Variants in IL15 observed in about 807,000 individuals in gnomAD.
IL15 encodes the protein interleukin 15, also known as interleukin-15.
IL15 carries 11 observed loss-of-function variants against 19.6 expected under a neutral mutation model. The observed-to-expected ratio is 0.56, with a 90% CI of 0.35 to 0.93. The LOEUF is 0.93. Among genes scored for constraint, IL15 ranks in the 40% least tolerant of loss-of-function variants. IL15 has a pLI of 0.01. For missense variants in IL15, 197 were observed against 186.5 expected, an observed-to-expected ratio of 1.06 and a Z score of -0.33; for synonymous variants, 58 against 59.6, an observed-to-expected ratio of 0.97 and a Z score of 0.12.
chr4:141,720,877 G>T, intron 4 of IL15: 1 of 531,040 alleles, frequency 1.9e-6, no homozygotes, highest in Middle Eastern at 4.9e-4. Context: ...GCAATTAAAA[G>T]TAGATATTTA....
intron 1 of IL15, among the ~76,000 whole-genome samples, chr4:141,643,085 AG>A (rs1458150973): frequency 6.6e-6 from 1 of 152,208 alleles, no homozygotes; most frequent in African/African-American, 2.4e-5. Flanking sequence ...AATTTATTGA[AG>A]AAAAGACAAT....
intron 2 of IL15, chr4:141,718,153 T>C (rs1396534809): frequency 6.6e-6 from 1 of 152,206 alleles, no homozygotes; most frequent in Non-Finnish European, 1.5e-5. Context: ...CATTGTGACA[T>C]TGTAAAGCCT....
At chr4:141,708,609 C>T (rs868413444) in intron 2 of IL15, among the ~76,000 whole-genome samples, 7 of 152,164 alleles carry the variant, frequency 4.6e-5, no homozygotes, top group Middle Eastern at 6.8e-3. Flanking sequence ...TTACCTTTAC[C>T]CCATAAGAAG....
intron 2 of IL15, among the ~76,000 whole-genome samples, chr4:141,691,480 C>T (rs1327741808): frequency 6.6e-6 from 1 of 152,096 alleles, no homozygotes; most frequent in African/African-American, 2.4e-5. Context: ...AAGATAAGTC[C>T]CTTCTGCCTA....
At chr4:141,702,594 G>A (rs1729358786) in intron 2 of IL15, among the ~76,000 whole-genome samples, 1 of 152,178 alleles carries the variant, frequency 6.6e-6, no homozygotes, top group African/African-American at 2.4e-5. Flanking sequence ...GGTATTGCAG[G>A]CAGTGGTGTA....
At chr4:141,712,149 C>A (rs1390164980) in intron 2 of IL15, among the ~76,000 whole-genome samples, 1 of 151,952 alleles carries the variant, frequency 6.6e-6, no homozygotes. Context: ...TTATGGAACT[C>A]CTTTTGGATA....
At chr4:141,704,552 G>T (rs1729445559) in intron 2 of IL15, 2 of 326,062 alleles carry the variant, frequency 6.1e-6, no homozygotes, top group Non-Finnish European at 1.2e-5. Context: ...ATTAATGCAG[G>T]CATTATAAAA....
chr4:141,724,070 A>G (rs2152191185), intron 5 of IL15, among the ~76,000 whole-genome samples: 1 of 152,308 alleles, frequency 6.6e-6, no homozygotes, highest in Non-Finnish European at 1.5e-5. Context: ...ATACTGAGCC[A>G]TAAAAGAAAC....
At chr4:141,651,512 T>C (rs982523317) in intron 1 of IL15, among the ~76,000 whole-genome samples, 6 of 152,100 alleles carry the variant, frequency 3.9e-5, no homozygotes, top group African/African-American at 1.4e-4. Context: ...GTTACACTAA[T>C]AGCCCAGACT....
rs1020636054 is a variant in IL15, at chr4:141,640,309, GAAAA to G, written c.-222+3571_-222+3574del. 1.6e-3 allele frequency among the ~76,000 whole-genome samples: 212 copies of G among 129,942 alleles called. 1 individual carries two copies. Among genetic ancestry groups the G allele is most frequent in the Middle Eastern group, 0.016 (4 of 254 alleles). 85.2% of individuals were successfully genotyped at this position (129,942 alleles called of 152,430 possible). A position where few individuals can be genotyped will look rare whatever the true frequency, so the allele number is the denominator to read the frequency against. ...TGCATTTTTATCCTGAATTTACAAAGAAAAAAAAAAAAAGACATGCAGAGTTTTG... is the reference window on the plus strand; with the variant it reads ...TGCATTTTTATCCTGAATTTACAAAGAAAAAAAAAGACATGCAGAGTTTTG... On this transcript the variant is annotated intron_variant, in intron 1 of 7. Transcript: ENST00000320650.
intron 2 of IL15, chr4:141,718,824 C>G (rs1579049138): frequency 6.6e-6 from 1 of 152,046 alleles, no homozygotes; most frequent in African/African-American, 2.4e-5. Context: ...TTATAAACTG[C>G]TTTTAATGGC....
At chr4:141,674,757 G>A (rs774748748) in intron 2 of IL15, among the ~76,000 whole-genome samples, 13 of 152,032 alleles carry the variant, frequency 8.6e-5, no homozygotes, top group Non-Finnish European at 1.8e-4. Context: ...AAAAATTGTT[G>A]ATTATTTGTA....
At chr4:141,638,829 A>T (rs1726948940) in intron 1 of IL15, among the ~76,000 whole-genome samples, 1 of 152,206 alleles carries the variant, frequency 6.6e-6, no homozygotes, top group Non-Finnish European at 1.5e-5. Flanking sequence ...AAATATCCGT[A>T]ACTTTGATCA....
intron 5 of IL15, among the ~76,000 whole-genome samples, chr4:141,724,207 C>T (rs1560938807): frequency 4.0e-5 from 6 of 151,830 alleles, no homozygotes. Flanking sequence ...AAATACTATA[C>T]CTCTATATAA....
rs944851595 is a variant in IL15, at chr4:141,643,275, T to A, written c.-222+6527T>A. On this transcript the variant is annotated intron_variant, in intron 1 of 7. Transcript: ENST00000320650. ...TGTAGCCATGCTATAACTTCTGCCATTTTTAAAAAAGACTCATGTTTTTCT... is the reference window on the plus strand; with the variant it reads ...TGTAGCCATGCTATAACTTCTGCCAATTTTAAAAAAGACTCATGTTTTTCT... Among the ~76,000 whole-genome samples the A allele has an allele frequency of 6.6e-5, 10 of 152,162 alleles. No homozygotes were observed. In the East Asian group the frequency reaches 1.9e-3, roughly 29 times the overall value.
intron 2 of IL15, among the ~76,000 whole-genome samples, chr4:141,679,343 G>T (rs1213019648): frequency 2.0e-5 from 3 of 152,140 alleles, no homozygotes; most frequent in Non-Finnish European, 4.4e-5. Flanking sequence ...TAAGAAATTT[G>T]TTCTCTGGAT....
intron 2 of IL15, among the ~76,000 whole-genome samples, chr4:141,703,630 C>G (rs566891208): frequency 1.6e-3 from 245 of 150,006 alleles, no homozygotes; most frequent in Non-Finnish European, 2.7e-3. Context: ...TTTTTCCTAT[C>G]TCATGGAGTA....
chr4:141,693,661 G>A (rs1729000082), intron 2 of IL15, among the ~76,000 whole-genome samples: 3 of 152,102 alleles, frequency 2.0e-5, no homozygotes, highest in African/African-American at 7.2e-5. Context: ...GATACTTCTA[G>A]ATAGTGGGAA....
intron 2 of IL15, chr4:141,689,046 C>G (rs1340168168): frequency 6.5e-6 from 1 of 154,256 alleles, no homozygotes; most frequent in Non-Finnish European, 1.4e-5. Flanking sequence ...GTGAGTGTTA[C>G]AGCTCTTAAG....
Sources: allele counts gnomAD v4.1 joint callset (sites outside exome capture counted in the v4.1 genomes callset), GRCh38; gene constraint gnomAD v4.1.1; transcripts MANE v1.5; gene names NCBI Gene and HGNC (gene_info 2026-07-23, HGNC 2026-07-21).